MLLT10: variants seen among roughly 807,000 people sequenced by gnomAD.
The protein encoded by MLLT10 is protein AF-10.
In MLLT10, 30 loss-of-function variants were observed where a neutral mutation model predicts 129.1. The ratio of observed to expected loss-of-function variants is 0.23; its 90% confidence interval spans 0.17 to 0.32. MLLT10 has a LOEUF of 0.32. Among genes scored for constraint, MLLT10 ranks in the 10% least tolerant of loss-of-function variants. The pLI is 1.00. For missense variants in MLLT10, 1,119 were observed against 1,268.3 expected (o/e 0.88, Z 1.79); for synonymous variants, 490 against 446.4 (o/e 1.10, Z -1.23).
At chr10:21,704,016 GTTT>G (rs60982595) in intron 13 of MLLT10, among the ~76,000 whole-genome samples, 9 of 56,634 alleles carry the variant, frequency 1.6e-4, no homozygotes, top group African/African-American at 6.5e-4. Flanking sequence ...ATTGTTTTTT[GTTT>G]TTTTTTTTTT....
At chr10:21,711,869 C>T (rs2056122585) in intron 13 of MLLT10, among the ~76,000 whole-genome samples, 2 of 152,192 alleles carry the variant, frequency 1.3e-5, no homozygotes, top group Non-Finnish European at 2.9e-5. Flanking sequence ...TTCTGTGCTC[C>T]TAGCCTCCTG....
intron 3 of MLLT10, among the ~76,000 whole-genome samples, chr10:21,550,910 G>T (rs1269309291): frequency 1.3e-5 from 1 of 78,078 alleles, no homozygotes; most frequent in Non-Finnish European, 2.7e-5. Flanking sequence ...ATTGTTTTCA[G>T]ATTTCTTTTA....
chr10:21,626,920 A>G (rs2131252536), intron 8 of MLLT10, among the ~76,000 whole-genome samples: 1 of 152,292 alleles, frequency 6.6e-6, no homozygotes, highest in Non-Finnish European at 1.5e-5. Context: ...GTGTTGGGTG[A>G]GACTGAAGAG....
intron 17 of MLLT10, among the ~76,000 whole-genome samples, chr10:21,732,501 T>G (rs1178543843): frequency 6.6e-6 from 1 of 152,226 alleles, no homozygotes; most frequent in Non-Finnish European, 1.5e-5. Flanking sequence ...AGGGTATTGG[T>G]GCGATCCTTA....
chr10:21,618,202 C>T (rs1238455074), intron 8 of MLLT10, among the ~76,000 whole-genome samples: 1 of 152,084 alleles, frequency 6.6e-6, no homozygotes, highest in East Asian at 1.9e-4. Context: ...TAAATGCCAA[C>T]AAATAATTGT....
chr10:21,647,176 G>A (rs2131310397), intron 8 of MLLT10, among the ~76,000 whole-genome samples: 1 of 152,118 alleles, frequency 6.6e-6, no homozygotes, highest in Non-Finnish European at 1.5e-5. Flanking sequence ...TATTTTAATG[G>A]CCATTATATG....
chr10:21,727,851 T>TACAG lies in MLLT10; in HGVS notation c.1991-3_1991dup. On this transcript the variant is annotated splice_polypyrimidine_tract_variant and splice_region_variant and intron_variant, in intron 15 of 22. Coordinates refer to ENST00000307729, the MANE Select transcript of MLLT10 (RefSeq NM_001195626.3). Reference sequence around the variant, plus strand: ...TTTATCAGCTCTGAAATATTTACACTACAGATCAAGATCTTGGAGACAATA... The same window carrying TACAG: ...TTTATCAGCTCTGAAATATTTACACTACAGACAGATCAAGATCTTGGAGACAATA... The TACAG allele has an allele frequency of 6.2e-7, 1 of 1,612,834 alleles. No homozygotes were observed. The highest frequency in any genetic ancestry group is 8.5e-7 in the Non-Finnish European group (1 of 1,178,984).
At chr10:21,583,075 C>A (rs1294667766) in intron 3 of MLLT10, among the ~76,000 whole-genome samples, 1 of 152,144 alleles carries the variant, frequency 6.6e-6, no homozygotes, top group Non-Finnish European at 1.5e-5. Flanking sequence ...GAGGCTGAGG[C>A]AGGAGAATTG....
Position 21,550,617 on chromosome 10 carries a change from C to T in MLLT10, c.240+11705C>T, listed in dbSNP as rs151269860. 6.6e-3 allele frequency among the ~76,000 whole-genome samples: 1,006 copies of T among 152,230 alleles called. 19 individuals are homozygous for T. Among genetic ancestry groups the T allele is most frequent in the African/African-American group, 0.023 (944 of 41,548 alleles). ...TGCAATCTCAGCTCACTTCAACCTC[C>T]GCCTCCTGGGTTGGAGCGATTCACC... On this transcript the variant is annotated intron_variant, in intron 3 of 22. Coordinates refer to ENST00000307729, the MANE Select transcript of MLLT10 (RefSeq NM_001195626.3).
chr10:21,622,732 A>G (rs1286883275), intron 8 of MLLT10, among the ~76,000 whole-genome samples: 1 of 152,172 alleles, frequency 6.6e-6, no homozygotes, highest in African/African-American at 2.4e-5. Flanking sequence ...TTCTACGCCA[A>G]TTAATCACCC....
chr10:21,590,551 C>G (rs1471970512), intron 4 of MLLT10, among the ~76,000 whole-genome samples: 1 of 152,078 alleles, frequency 6.6e-6, no homozygotes, highest in East Asian at 1.9e-4. Context: ...GTTGGCCAGT[C>G]TGGTCTTGAA....
At chr10:21,597,277 C>G (rs1298285047) in intron 5 of MLLT10, among the ~76,000 whole-genome samples, 1 of 152,194 alleles carries the variant, frequency 6.6e-6, no homozygotes, top group East Asian at 1.9e-4. Context: ...CATTATTACT[C>G]TCTGATCTTT....
Position 21,586,276 on chromosome 10 carries a change from C to CTTTTTTTT in MLLT10, c.241-12_241-5dup. On this transcript the variant is annotated splice_polypyrimidine_tract_variant and intron_variant, in intron 3 of 22. Coordinates refer to ENST00000307729, the MANE Select transcript of MLLT10 (RefSeq NM_001195626.3). ...AATCTGAAATATTCATTACCTGTTT[C>CTTTTTTTT]TTTTTTTTTTTTTATAGAGATGTGA... is the stretch of plus-strand genomic sequence containing the variant. 7.7e-7 allele frequency: 1 copy of CTTTTTTTT among 1,293,004 alleles called. No individual in the cohort carries two copies. The highest frequency in any genetic ancestry group is 1.1e-6 in the Non-Finnish European group (1 of 940,210). The allele number at this position is 1,293,004 out of a possible 1,614,324, so 80.1% of individuals were successfully genotyped here.
At chr10:21,590,863 A>C (rs531045194) in intron 4 of MLLT10, among the ~76,000 whole-genome samples, 1 of 151,742 alleles carries the variant, frequency 6.6e-6, no homozygotes, top group African/African-American at 2.4e-5. Context: ...ATTTTGTTAA[A>C]CTTCTGCTCT....
intron 5 of MLLT10, among the ~76,000 whole-genome samples, chr10:21,608,175 T>C (rs1016787204): frequency 1.4e-5 from 2 of 143,520 alleles, no homozygotes; most frequent in Admixed American, 7.0e-5. Flanking sequence ...TATTTTTGGC[T>C]TTTTTTTTTT....
intron 22 of MLLT10, 85 bp from the exon 23 acceptor site, chr10:21,741,853 AT>A (rs1833690638): frequency 6.9e-7 from 1 of 1,440,158 alleles, no homozygotes; most frequent in Non-Finnish European, 9.6e-7. Flanking sequence ...TCTATACCAC[AT>A]TTTATCTCAG....
chr10:21,555,000 A>T (rs7070562), intron 3 of MLLT10, among the ~76,000 whole-genome samples: 4,252 of 144,796 alleles, frequency 0.029, 195 homozygotes, highest in African/African-American at 0.1. Context: ...TTTCTATTTT[A>T]GGTAGAGACG....
intron 14 of MLLT10, among the ~76,000 whole-genome samples, chr10:21,719,289 TAGTC>T (rs1230176798): frequency 6.6e-6 from 1 of 152,202 alleles, no homozygotes; most frequent in Non-Finnish European, 1.5e-5. Flanking sequence ...TATACTTAAT[TAGTC>T]AGAATGTAAA....
chr10:21,738,136 C>T (rs1467650360), intron 21 of MLLT10, among the ~76,000 whole-genome samples: 5 of 151,912 alleles, frequency 3.3e-5, no homozygotes, highest in South Asian at 2.1e-4. Context: ...GGTGTGGTGG[C>T]GCGTGTGTAT....
Sources: allele counts gnomAD v4.1 joint callset (sites outside exome capture counted in the v4.1 genomes callset), GRCh38; gene constraint gnomAD v4.1.1; transcripts MANE v1.5; gene names NCBI Gene and HGNC (gene_info 2026-07-23, HGNC 2026-07-21).